Variants in OTOGL observed in about 807,000 individuals in gnomAD.
OTOGL encodes the protein otogelin like.
OTOGL carries 285 observed loss-of-function variants against 318.5 expected under a neutral mutation model. The observed-to-expected ratio is 0.89, with a 90% CI of 0.81 to 0.99. OTOGL has a LOEUF of 0.99. OTOGL is among the 50% of genes least tolerant of loss of function. OTOGL has a pLI of 0.00. For missense variants in OTOGL, 2,899 were observed against 2,845.6 expected (o/e 1.02, Z -0.43); for synonymous variants, 987 against 936.5 (o/e 1.05, Z -0.99).
chr12:80,210,148 C>T (rs770460727), intron 2 of OTOGL, among the ~76,000 whole-genome samples: 3 of 152,078 alleles, frequency 2.0e-5, no homozygotes, highest in Non-Finnish European at 4.4e-5. Flanking sequence ...CACGTGCCTT[C>T]ACCCAGTTCC....
intron 1 of OTOGL, among the ~76,000 whole-genome samples, chr12:80,128,641 G>A (rs567178300): frequency 6.6e-6 from 1 of 152,310 alleles, no homozygotes; most frequent in East Asian, 1.9e-4. Flanking sequence ...CACAGAGGTG[G>A]AGTCTACAGA....
chr12:80,231,516 A>G (rs767220685), intron 8 of OTOGL, among the ~76,000 whole-genome samples: 1 of 152,220 alleles, frequency 6.6e-6, no homozygotes, highest in Non-Finnish European at 1.5e-5. Flanking sequence ...CTTCCTGGAA[A>G]GGAACTCACT....
At chr12:80,362,983 G>A (rs1233363720) in intron 52 of OTOGL, among the ~76,000 whole-genome samples, 1 of 152,070 alleles carries the variant, frequency 6.6e-6, no homozygotes, top group Non-Finnish European at 1.5e-5. Flanking sequence ...TCTAGAGACA[G>A]AGTCTGTCTC....
chr12:80,238,077 G>A (rs1430182864), intron 9 of OTOGL, among the ~76,000 whole-genome samples: 1 of 152,150 alleles, frequency 6.6e-6, no homozygotes, highest in Non-Finnish European at 1.5e-5. Flanking sequence ...CTCAGATCAG[G>A]TAGAGAGACA....
In OTOGL at chr12:80,222,236, C is replaced by A; in HGVS notation, c.480C>A (p.Tyr160Ter). ...ACTGTGGTGATTTGGAGCCTCGGTA[C>A]ACTGTATGGGTAGGTGATTGTAGGA... ...AKDCGDLEPR[Y>*]TVWVHNSPKC... Residue 160 changes from tyrosine to a stop codon, truncating the protein, a stop_gained, in exon 7 of 59, where the codon TAC becomes TAA. Transcript: ENST00000547103. LOFTEE classifies it high-confidence loss of function. 6.3e-7 allele frequency: 1 copy of A among 1,594,792 alleles called. No homozygotes were observed. Among genetic ancestry groups the A allele is most frequent in the Non-Finnish European group, 8.5e-7 (1 of 1,175,984 alleles).
At chr12:80,295,783 C>T (rs552969955) in intron 26 of OTOGL, among the ~76,000 whole-genome samples, 7 of 152,146 alleles carry the variant, frequency 4.6e-5, no homozygotes, top group African/African-American at 1.4e-4. Flanking sequence ...TGAGTATGTT[C>T]GTTTTATTTA....
At position 80,339,260 on chromosome 12, in the gene OTOGL, C is replaced by CTGTGGTGAG. The variant is rs1462308960; in HGVS notation, c.5047_5050+5dup. On this transcript the variant is annotated inframe_insertion, in exon 43 of 59. Coordinates refer to ENST00000547103, the MANE Select transcript of OTOGL (RefSeq NM_001378609.3). The stretch of plus-strand genomic sequence containing the variant: ...ACTTGTCATCCTACACAGAAGGACT[C>CTGTGGTGAG]TGTGGTGAGCGCTGCCCTTCAAATC... 6.8e-7 allele frequency: 1 copy of CTGTGGTGAG among 1,471,336 alleles called. No homozygotes were observed. Among genetic ancestry groups the CTGTGGTGAG allele is most frequent in the Admixed American group, 1.8e-5 (1 of 55,594 alleles). The allele number at this position is 1,471,336 out of a possible 1,614,324, so 91.1% of individuals were successfully genotyped here.
intron 1 of OTOGL, among the ~76,000 whole-genome samples, chr12:80,198,605 TAAC>T (rs1376888895): frequency 2.0e-5 from 3 of 151,974 alleles, no homozygotes; most frequent in Admixed American, 1.3e-4. Context: ...ATAATAATAA[TAAC>T]AACCTGTATC....
intron 37 of OTOGL, among the ~76,000 whole-genome samples, chr12:80,331,226 A>C (rs1888047358): frequency 6.6e-6 from 1 of 152,160 alleles, no homozygotes; most frequent in Admixed American, 6.5e-5. Context: ...TGTAGTTATC[A>C]AGACAGTTTG....
At chr12:80,105,589 T>C (rs960233424) in intron 1 of OTOGL, among the ~76,000 whole-genome samples, 5 of 152,242 alleles carry the variant, frequency 3.3e-5, no homozygotes, top group African/African-American at 1.2e-4. Flanking sequence ...GTGAAAATTA[T>C]TGATGCTTTT....
rs1233281828 is a variant in OTOGL, at chr12:80,328,797, T to G, written c.4279+53T>G. 2.0e-6 allele frequency: 3 copies of G among 1,473,986 alleles called. No homozygotes were observed. The African/African-American group carries it at 4.2e-5, about 21-fold the overall frequency. The allele number at this position is 1,473,986 out of a possible 1,614,324, so 91.3% of individuals were successfully genotyped here. ...CTGAAAAATTATACGCTTGCATATG[T>G]TTTTTCCGAGGCAAGTGGTTGTAAA... On this transcript the variant is annotated intron_variant, in intron 36 of 58. Transcript: ENST00000547103.
At chr12:80,255,848 A>G (rs1394372149) in intron 16 of OTOGL, among the ~76,000 whole-genome samples, 1 of 150,678 alleles carries the variant, frequency 6.6e-6, no homozygotes, top group African/African-American at 2.4e-5. Context: ...GAACTGCTTT[A>G]TTTGTTTTTT....
rs114293754 is a variant in OTOGL, at chr12:80,375,099, G to A, written c.6782-2024G>A. On this transcript the variant is annotated intron_variant, in intron 57 of 58. Coordinates refer to ENST00000547103, the MANE Select transcript of OTOGL (RefSeq NM_001378609.3). ...TCTCTCATCTGACGTGAAAGGACTC[G>A]TAATGTAGTTTCTGCTGGCATATTA... 7.0e-3 allele frequency among the ~76,000 whole-genome samples: 1,059 copies of A among 152,214 alleles called. 13 individuals carry two copies. Among genetic ancestry groups the A allele is most frequent in the African/African-American group, 0.024 (1,013 of 41,530 alleles).
At chr12:80,110,584 A>G (rs190910716) in intron 1 of OTOGL, among the ~76,000 whole-genome samples, 205 of 152,244 alleles carry the variant, frequency 1.3e-3, no homozygotes, top group African/African-American at 4.7e-3. Context: ...ACATGAATTC[A>G]TTCTTTTTTA....
intron 49 of OTOGL, among the ~76,000 whole-genome samples, chr12:80,357,424 G>T (rs967725636): frequency 4.6e-5 from 7 of 151,556 alleles, no homozygotes; most frequent in Middle Eastern, 6.8e-3. Context: ...TTTTTCAAAT[G>T]AATCATTATA....
At position 80,267,343 on chromosome 12, in the gene OTOGL, G is replaced by A. The variant is rs777365808; in HGVS notation, c.2465+16G>A. The stretch of plus-strand genomic sequence containing the variant: ...CGGGCTTATGGTAGGTTTCAATGAT[G>A]GGGATTGTGTTTGACAAATGATGTA... On this transcript the variant is annotated intron_variant, in intron 22 of 58. Transcript: ENST00000547103. The A allele has an allele frequency of 2.1e-6, 3 of 1,435,904 alleles. No individual in the cohort carries two copies. The Admixed American group carries it at 5.8e-5, about 28-fold the overall frequency. The allele number at this position is 1,435,904 out of a possible 1,614,324, so 88.9% of individuals were successfully genotyped here. A position where few individuals can be genotyped will look rare whatever the true frequency, so the allele number is the denominator to read the frequency against.
chr12:80,253,835 C>A lies in OTOGL; in HGVS notation c.1394+261C>A, dbSNP rs11114373. Among the ~76,000 whole-genome samples the A allele has an allele frequency of 0.099, 15,014 of 152,012 alleles. 846 individuals are homozygous for A. The highest frequency in any genetic ancestry group is 0.15 in the Middle Eastern group (45 of 294). ...GTTGCATTTTCTTATCGTTTGTAAT[C>A]ACTAATTTGCACATACTGTTAGAAC... On this transcript the variant is annotated intron_variant, in intron 14 of 58. Coordinates refer to ENST00000547103, the MANE Select transcript of OTOGL (RefSeq NM_001378609.3).
intron 1 of OTOGL, among the ~76,000 whole-genome samples, chr12:80,155,923 G>A (rs187019764): frequency 2.6e-4 from 40 of 152,254 alleles, no homozygotes; most frequent in African/African-American, 7.9e-4. Context: ...CTCCAGTTAC[G>A]TCCACGTTGT....
At chr12:80,129,750 GTCACCTGT>G (rs1871121672) in intron 1 of OTOGL, among the ~76,000 whole-genome samples, 1 of 151,966 alleles carries the variant, frequency 6.6e-6, no homozygotes, top group East Asian at 1.9e-4. Context: ...TTTATTCATA[GTCACCTGT>G]GACCTTTTAG....
Sources: gnomAD v4.1 joint callset for allele counts (sites outside exome capture counted in the v4.1 genomes callset) on GRCh38, gnomAD v4.1.1 for gene constraint, MANE v1.5 for transcripts, NCBI Gene and HGNC (gene_info 2026-07-23, HGNC 2026-07-21) for gene names.